The following EPS15 variants were observed in gnomAD, a reference collection of about 807,000 sequenced individuals.
The protein encoded by EPS15 is epidermal growth factor receptor pathway substrate 15, also known as epidermal growth factor receptor substrate 15.
A neutral mutation model predicts 113.8 loss-of-function variants in EPS15; 72 were observed. That is an observed-to-expected ratio of 0.63 (90% CI 0.52 to 0.77). The LOEUF (loss-of-function observed/expected upper bound fraction) is 0.77. Among genes scored for constraint, EPS15 ranks in the 30% least tolerant of loss-of-function variants. The pLI, the probability that EPS15 is intolerant of heterozygous loss-of-function variation, is 0.00. For synonymous variants in EPS15, 344 were observed against 363.4 expected, an observed-to-expected ratio of 0.95 and a Z score of 0.61; for missense variants, 1,048 against 1,045.8, an observed-to-expected ratio of 1.00 and a Z score of -0.03.
intron 1 of EPS15, among the ~76,000 whole-genome samples, chr1:51,487,500 AT>A (rs1644147133): frequency 1.3e-5 from 2 of 152,194 alleles, no homozygotes; most frequent in South Asian, 2.1e-4. Context: ...ATTCTCAAAA[AT>A]GTACCAGTTT....
intron 1 of EPS15, among the ~76,000 whole-genome samples, chr1:51,509,937 T>G (rs1414157590): frequency 6.6e-6 from 1 of 152,180 alleles, no homozygotes; most frequent in African/African-American, 2.4e-5. Context: ...AATATCCGAG[T>G]TGCTTAGACT....
intron 1 of EPS15, among the ~76,000 whole-genome samples, chr1:51,495,902 G>A (rs887138199): frequency 1.2e-4 from 19 of 152,168 alleles, no homozygotes; most frequent in African/African-American, 3.6e-4. Flanking sequence ...GAACAGCTTA[G>A]GCAAGGAGAA....
intron 21 of EPS15, among the ~76,000 whole-genome samples, chr1:51,392,699 C>A (rs1647506361): frequency 6.6e-6 from 1 of 152,176 alleles, no homozygotes; most frequent in Non-Finnish European, 1.5e-5. Flanking sequence ...TATTTACCTG[C>A]TAAAATACTA....
intron 8 of EPS15, among the ~76,000 whole-genome samples, chr1:51,452,263 T>C (rs1653637725): frequency 6.6e-6 from 1 of 151,570 alleles, no homozygotes; most frequent in Admixed American, 6.6e-5. Context: ...CATATATTTA[T>C]ATATTTATTT....
chr1:51,508,378 AAG>A (rs1335570361), intron 1 of EPS15, among the ~76,000 whole-genome samples: 1 of 149,158 alleles, frequency 6.7e-6, no homozygotes, highest in Non-Finnish European at 1.5e-5. Context: ...GAAAGAAAGA[AAG>A]AAAGAGAAAA....
At chr1:51,431,241 C>T (rs1377778394) in intron 12 of EPS15, among the ~76,000 whole-genome samples, 1 of 151,932 alleles carries the variant, frequency 6.6e-6, no homozygotes, top group Non-Finnish European at 1.5e-5. Context: ...AATGTTCTTA[C>T]TTAGTTCTGA....
rs1423542079 is a variant in EPS15 at position 51,399,722 on chromosome 1, G to A, written c.1919-557C>T. Among the ~76,000 whole-genome samples, 6 of 152,088 alleles carry A rather than the reference G, an allele frequency of 3.9e-5. No individual in the cohort carries two copies. In the East Asian group the frequency reaches 1.2e-3, roughly 29 times the overall value. On this transcript the variant is annotated intron_variant, in intron 19 of 24. Coordinates refer to ENST00000371733, the MANE Select transcript of EPS15 (RefSeq NM_001981.3). ...AAAAATACAAAAATTAGCCAGGCGT[G>A]GTGGTGCGCGCCCGTAATCCTGGCT...
chr1:51,358,900 C>T (rs1570065723), intron 24 of EPS15, among the ~76,000 whole-genome samples: 1 of 150,964 alleles, frequency 6.6e-6, no homozygotes, highest in Non-Finnish European at 1.5e-5. Flanking sequence ...GACGGGGTTT[C>T]ACCATGTTGG....
chr1:51,419,034 T>C (rs181276368), intron 13 of EPS15, among the ~76,000 whole-genome samples: 1 of 152,262 alleles, frequency 6.6e-6, no homozygotes, highest in East Asian at 1.9e-4. Context: ...AGATCATACA[T>C]AGGCAATTCT....
intron 2 of EPS15, among the ~76,000 whole-genome samples, chr1:51,476,263 G>A (rs1215828409): frequency 6.6e-6 from 1 of 152,110 alleles, no homozygotes; most frequent in African/African-American, 2.4e-5. Flanking sequence ...AGCTTGATGG[G>A]GATGGCACTG....
intron 12 of EPS15, among the ~76,000 whole-genome samples, chr1:51,428,587 G>A (rs891045233): frequency 1.3e-5 from 2 of 152,102 alleles, no homozygotes; most frequent in African/African-American, 4.8e-5. Flanking sequence ...AGCACTTTGG[G>A]AAGCTGAGGC....
intron 11 of EPS15, among the ~76,000 whole-genome samples, chr1:51,442,725 T>G (rs557286244): frequency 3.9e-5 from 6 of 152,104 alleles, no homozygotes; most frequent in Non-Finnish European, 7.4e-5. Flanking sequence ...GGAATTTTCT[T>G]TTTTTTGCTG....
At chr1:51,496,133 C>A (rs1165997711) in intron 1 of EPS15, among the ~76,000 whole-genome samples, 1 of 152,056 alleles carries the variant, frequency 6.6e-6, no homozygotes, top group Non-Finnish European at 1.5e-5. Context: ...CACATTAAGC[C>A]CATTTAACCT....
chr1:51,436,147 T>C (rs948042584), intron 12 of EPS15, among the ~76,000 whole-genome samples: 4 of 152,194 alleles, frequency 2.6e-5, no homozygotes, highest in East Asian at 1.9e-4. Context: ...CAGGGCAGCA[T>C]ACTGTGAGAG....
intron 2 of EPS15, among the ~76,000 whole-genome samples, chr1:51,475,433 T>C (rs748731049): frequency 2.0e-5 from 3 of 152,248 alleles, no homozygotes; most frequent in Admixed American, 6.5e-5. Flanking sequence ...TGACCAGTGA[T>C]GACAAGCATT....
intron 17 of EPS15, 39 bp downstream of exon 17, chr1:51,403,380 C>A (rs372045351): frequency 7.6e-5 from 86 of 1,128,358 alleles, no homozygotes; most frequent in Non-Finnish European, 1.1e-4. Flanking sequence ...TCCTTCCACC[C>A]TTACAAGTCC....
chr1:51,439,282 TTAG>T (rs1351840326), intron 12 of EPS15, among the ~76,000 whole-genome samples: 2 of 152,124 alleles, frequency 1.3e-5, no homozygotes, highest in Non-Finnish European at 2.9e-5. Flanking sequence ...TAGTTTGGGT[TTAG>T]TTCTTTCTTA....
chr1:51,507,400 C>T (rs1396220633), intron 1 of EPS15, among the ~76,000 whole-genome samples: 1 of 152,168 alleles, frequency 6.6e-6, no homozygotes, highest in Non-Finnish European at 1.5e-5. Context: ...CAGTGGCTCA[C>T]ACCTGTAATC....
In EPS15 at chr1:51,361,171, A is replaced by T. The variant is rs1432500661; in HGVS notation, c.2544T>A (p.Ala848=). 6.2e-7 allele frequency: 1 copy of T among 1,612,152 alleles called. No homozygotes were observed. The highest frequency in any genetic ancestry group is 8.5e-7 in the Non-Finnish European group (1 of 1,178,342). The change falls in exon 24 of 25, where the codon GCT becomes GCA. Residue 848 remains alanine, a splice_region_variant and synonymous_variant. Coordinates refer to ENST00000371733, the MANE Select transcript of EPS15 (RefSeq NM_001981.3). ...ADPSNFANFS[A]YPSEEDMIEW... ...CAAACAGCTCATTCACAGTACTTACAGCACTGAAGTTGGCAAAATTGCTTG... is the reference window on the plus strand; with the variant it reads ...CAAACAGCTCATTCACAGTACTTACTGCACTGAAGTTGGCAAAATTGCTTG...
Sources: allele counts gnomAD v4.1 joint callset (sites outside exome capture counted in the v4.1 genomes callset), GRCh38; gene constraint gnomAD v4.1.1; transcripts MANE v1.5; gene names NCBI Gene and HGNC (gene_info 2026-07-23, HGNC 2026-07-21).